STAC2: variants seen among roughly 807,000 people sequenced by gnomAD.
The protein encoded by STAC2 is SH3 and cysteine rich domain 2.
A neutral mutation model predicts 49.0 loss-of-function variants in STAC2; 36 were observed. The observed-to-expected ratio is 0.74, with a 90% confidence interval of 0.56 to 0.97. STAC2 has a LOEUF of 0.97. Among genes scored for constraint, STAC2 ranks in the 50% least tolerant of loss-of-function variants. The pLI is 0.00. For missense variants in STAC2, 527 were observed against 543.8 expected, an observed-to-expected ratio of 0.97 and a Z score of 0.31; for synonymous variants, 239 against 214.7, an observed-to-expected ratio of 1.11 and a Z score of -0.99.
At position 39,225,422 on chromosome 17, in the gene STAC2, C is replaced by T; in HGVS notation, c.81G>A (p.Gln27=). The T allele has an allele frequency of 6.2e-7, 1 of 1,604,170 alleles. No homozygotes were observed. The change falls in exon 1 of 11, where the codon CAG becomes CAA. Residue 27 remains glutamine, a synonymous_variant. Coordinates refer to ENST00000333461, the MANE Select transcript of STAC2 (RefSeq NM_198993.5). The surrounding 1 kb of genome is among the most constrained non-coding windows in gnomAD (Gnocchi z 8.2). ...GCGCCCCCCAAGTTACCTTGGTTTC[C>T]TGGAGGGCGGAGACGGTCCCTGGGG... is the stretch of plus-strand genomic sequence containing the variant. ...HSPPGTVSAL[Q]ETKLQRFKRS... is the part of the protein sequence containing the mutation.
Position 39,215,155 on chromosome 17 carries a change from CT to C in STAC2, c.661del (p.Ser221ValfsTer13). ...GTSLALMNRS[S>X]FSSTSESPTR... ...CGGGGACTCAGAGGTGCTGCTGAAA[CT>C]GGAGCGGTTCATCAGTGCCAGGGAG... On this transcript the variant is annotated frameshift_variant, in exon 5 of 11. Coordinates refer to ENST00000333461, the MANE Select transcript of STAC2 (RefSeq NM_198993.5). LOFTEE classifies it high-confidence loss of function. 1 of 1,614,084 alleles carries C rather than the reference CT, an allele frequency of 6.2e-7. No homozygotes were observed. The highest frequency in any genetic ancestry group is 8.5e-7 in the Non-Finnish European group (1 of 1,180,006).
intron 1 of STAC2, 58 bp from the exon 2 acceptor site, chr17:39,218,231 C>G: frequency 6.3e-7 from 1 of 1,594,936 alleles, no homozygotes; most frequent in Non-Finnish European, 8.6e-7. Context: ...CCAGGGCGGG[C>G]TTCCCTTCAG....
intron 1 of STAC2, among the ~76,000 whole-genome samples, chr17:39,219,900 G>T (rs564851711): frequency 2.6e-5 from 4 of 152,356 alleles, no homozygotes; most frequent in East Asian, 1.9e-4. Flanking sequence ...CAGCTGGCAC[G>T]CTGGGTAGCC....
rs750130101 is a variant in STAC2 at position 39,218,064 on chromosome 17, A to G, written c.200T>C (p.Leu67Pro). Reference sequence around the variant, plus strand: ...GGGCAGTGGGGTTGGGGGCGTCAGCAGCACCTCGGTGGGGCACTTGAGCTC... The same window carrying G: ...GGGCAGTGGGGTTGGGGGCGTCAGCGGCACCTCGGTGGGGCACTTGAGCTC... ...GSELKCPTEVLLTPPTPLPPP... is the reference protein window; with the variant it reads ...GSELKCPTEVPLTPPTPLPPP... The change falls in exon 2 of 11, where the codon CTG (leucine) becomes CCG (proline). Residue 67 changes from leucine to proline, a missense_variant. Leu to Pro is a moderately conservative substitution (Grantham distance 98). Transcript: ENST00000333461. The G allele has an allele frequency of 2.5e-5, 41 of 1,611,550 alleles. No homozygotes were observed. Among genetic ancestry groups the G allele is most frequent in the Non-Finnish European group, 3.4e-5 (40 of 1,179,796 alleles).
At chr17:39,218,584 C>T (rs2046431905) in intron 1 of STAC2, among the ~76,000 whole-genome samples, 1 of 152,142 alleles carries the variant, frequency 6.6e-6, no homozygotes, top group Non-Finnish European at 1.5e-5. Flanking sequence ...GGTTTAATTC[C>T]ATTTTTCTTT....
Position 39,213,519 on chromosome 17 carries a change from C to T in STAC2, c.981G>A (p.Glu327=). Residue 327 remains glutamate, a synonymous_variant, in exon 9 of 11, where the codon GAG becomes GAA. Coordinates refer to ENST00000333461, the MANE Select transcript of STAC2 (RefSeq NM_198993.5). ...CCTGCCAAGTCACCTTCCACCAGTCCTCGTTAGAGTCATCCACCAGCATGA... is the reference window on the plus strand; with the variant it reads ...CCTGCCAAGTCACCTTCCACCAGTCTTCGTTAGAGTCATCCACCAGCATGA... ...DRIMLVDDSN[E]DWWKGKIGDR... is the part of the protein sequence containing the mutation. 6.2e-7 allele frequency: 1 copy of T among 1,613,728 alleles called. No homozygotes were observed. Among genetic ancestry groups the T allele is most frequent in the Non-Finnish European group, 8.5e-7 (1 of 1,179,796 alleles).
intron 10 of STAC2, 57 bp downstream of exon 10, chr17:39,212,938 T>TC: frequency 6.3e-7 from 1 of 1,596,082 alleles, no homozygotes; most frequent in Non-Finnish European, 8.5e-7. Flanking sequence ...GCAGCCTGTC[T>TC]CCCCCGCCCA....
chr17:39,217,298 T>A lies in STAC2; in HGVS notation c.398-125A>T, dbSNP rs191643134. The stretch of plus-strand genomic sequence containing the variant: ...CATGCCAGCCTTGAGGCCCAGCACC[T>A]ACCCCTCACACAGTCAGGGTATGAG... On this transcript the variant is annotated intron_variant, in intron 2 of 10. Coordinates refer to ENST00000333461, the MANE Select transcript of STAC2 (RefSeq NM_198993.5). 4.9e-4 allele frequency: 410 copies of A among 841,484 alleles called. 1 individual carries two copies. In the African/African-American group the frequency reaches 6.3e-3, roughly 13 times the overall value. The allele number at this position is 841,484 out of a possible 1,614,324, so 52.1% of individuals were successfully genotyped here. A position where few individuals can be genotyped will look rare whatever the true frequency, so the allele number is the denominator to read the frequency against.
rs964946989 is a variant in STAC2, at chr17:39,210,704, G to C, written c.*1588C>G. 6.6e-6 allele frequency: 1 copy of C among 152,500 alleles called. No individual in the cohort carries two copies. Among genetic ancestry groups the C allele is most frequent in the Non-Finnish European group, 1.5e-5 (1 of 68,096 alleles). The allele number at this position is 152,500 out of a possible 1,614,324, so 9.4% of individuals were successfully genotyped here. On this transcript the variant is annotated 3_prime_UTR_variant, in exon 11 of 11. Coordinates refer to ENST00000333461, the MANE Select transcript of STAC2 (RefSeq NM_198993.5). ...AGTGTGGCTTGAGACCCCGCTTTGT[G>C]GGGGAGAAGTGGGGCAGGGGCCTTT...
intron 9 of STAC2, 53 bp downstream of exon 9, chr17:39,213,454 G>A: frequency 1.9e-6 from 3 of 1,606,842 alleles, no homozygotes; most frequent in Non-Finnish European, 2.6e-6. Flanking sequence ...TTGGGGGTGG[G>A]GGCTGCTGGG....
At position 39,225,547 on chromosome 17, in the gene STAC2, G is replaced by A; in HGVS notation, c.-45C>T. 1 of 1,576,678 alleles carries A rather than the reference G, an allele frequency of 6.3e-7. No homozygotes were observed. Among genetic ancestry groups the A allele is most frequent in the Non-Finnish European group, 8.7e-7 (1 of 1,153,450 alleles). On this transcript the variant is annotated 5_prime_UTR_variant, in exon 1 of 11. Coordinates refer to ENST00000333461, the MANE Select transcript of STAC2 (RefSeq NM_198993.5). The surrounding 1 kb of genome is among the most constrained non-coding windows in gnomAD (Gnocchi z 8.2). Reference sequence around the variant, plus strand: ...AGAGGGTGCCGAGATCCGACGGCAGGCCCACCGCGGGCAGGCTGCGGGTGG... The same window carrying A: ...AGAGGGTGCCGAGATCCGACGGCAGACCCACCGCGGGCAGGCTGCGGGTGG...
intron 8 of STAC2, 84 bp downstream of exon 8, chr17:39,214,149 T>C (rs2046379314): frequency 2.7e-6 from 4 of 1,482,358 alleles, no homozygotes; most frequent in Non-Finnish European, 3.7e-6. Context: ...TGCAAGAAGG[T>C]TCCTGAAGGC....
In STAC2 at chr17:39,216,825, C is replaced by G. The variant is rs368680095; in HGVS notation, c.571G>C (p.Glu191Gln). 5.9e-5 allele frequency: 94 copies of G among 1,595,460 alleles called. No individual in the cohort carries two copies. Among genetic ancestry groups the G allele is most frequent in the Non-Finnish European group, 7.2e-5 (84 of 1,171,218 alleles). The stretch of plus-strand genomic sequence containing the variant: ...GGGCACTCACCAGTGGGTGGGGACT[C>G]TTTGCTTGTGGCACAGACTGGTGGC... ...EPPPVCATSK[E>Q]SPPTGDSGKV... The change falls in exon 4 of 11, where the codon GAG becomes CAG. Residue 191 changes from glutamate to glutamine, a missense_variant. By Grantham distance (29) the Glu-to-Gln change is conservative. Transcript: ENST00000333461.
At chr17:39,212,462 A>T in intron 10 of STAC2, 66 bp from the exon 11 acceptor site, 3 of 1,353,670 alleles carry the variant, frequency 2.2e-6, no homozygotes, top group Non-Finnish European at 3.1e-6. Context: ...AGTCCTGCCC[A>T]TGGCCCCCAG....
intron 1 of STAC2, among the ~76,000 whole-genome samples, chr17:39,223,841 C>A (rs1013404907): frequency 6.6e-6 from 1 of 152,168 alleles, no homozygotes; most frequent in South Asian, 2.1e-4. Flanking sequence ...AGCTCCTAGA[C>A]CTTCTGCTTG....
At position 39,212,071 on chromosome 17, in the gene STAC2, C is replaced by CCA; in HGVS notation, c.*220_*221insTG. On this transcript the variant is annotated 3_prime_UTR_variant, in exon 11 of 11. Transcript: ENST00000333461. ...TTCCTCATTCCCTCCCACCCCACCC[C>CCA]ATCCCCGCCAAGTCCCAGAGGATCA... 1 of 212,740 alleles carries CCA rather than the reference C, an allele frequency of 4.7e-6. No individual in the cohort carries two copies. The highest frequency in any genetic ancestry group is 9.5e-6 in the Non-Finnish European group (1 of 105,076). The allele number at this position is 212,740 out of a possible 1,614,324, so 13.2% of individuals were successfully genotyped here. A position where few individuals can be genotyped will look rare whatever the true frequency, so the allele number is the denominator to read the frequency against.
At chr17:39,223,174 C>T (rs567424908) in intron 1 of STAC2, among the ~76,000 whole-genome samples, 1 of 152,298 alleles carries the variant, frequency 6.6e-6, no homozygotes, top group South Asian at 2.1e-4. Flanking sequence ...GGCATTGGCC[C>T]CCTCTGTTGT....
At chr17:39,212,914 T>C in intron 10 of STAC2, 81 bp downstream of exon 10, 1 of 1,565,046 alleles carries the variant, frequency 6.4e-7, no homozygotes. Flanking sequence ...CTGCAGAGCA[T>C]TTACCCCCGC....
At chr17:39,221,902 T>C (rs2046466728) in intron 1 of STAC2, among the ~76,000 whole-genome samples, 1 of 152,194 alleles carries the variant, frequency 6.6e-6, no homozygotes, top group Non-Finnish European at 1.5e-5. Flanking sequence ...CCCCAACTCA[T>C]CACCCTGCGA....
Sources: gnomAD v4.1 joint callset for allele counts (sites outside exome capture counted in the v4.1 genomes callset) on GRCh38, gnomAD v4.1.1 for gene constraint, Gnocchi (gnomAD v3.1) non-coding constraint, MANE v1.5 for transcripts, NCBI Gene and HGNC (gene_info 2026-07-23, HGNC 2026-07-21) for gene names.